The following SPAG16 variants were observed in gnomAD, a reference collection of about 807,000 sequenced individuals.
SPAG16 encodes the protein sperm-associated antigen 16 protein.
SPAG16 carries 86 observed loss-of-function variants against 80.4 expected under a neutral mutation model. The observed-to-expected ratio is 1.07, with a 90% CI of 0.90 to 1.28. The LOEUF is 1.28. SPAG16 is among the 50% of genes most tolerant of loss of function. The pLI is 0.00. For missense variants in SPAG16, 870 were observed against 765.3 expected, an observed-to-expected ratio of 1.14 and a Z score of -1.61; for synonymous variants, 294 against 265.9, an observed-to-expected ratio of 1.11 and a Z score of -1.03.
intron 11 of SPAG16, among the ~76,000 whole-genome samples, chr2:213,911,270 C>A (rs10198591): frequency 0.59 from 88,907 of 151,926 alleles, 27,819 homozygotes; most frequent in South Asian, 0.84. Flanking sequence ...CTTGGCCTCC[C>A]AGTAGCTATG....
rs112598169 is a variant in SPAG16 at position 213,504,180 on chromosome 2, AAGATT to A, written c.1070+14096_1070+14100del. Among the ~76,000 whole-genome samples, 119 of 152,326 alleles carry A rather than the reference AAGATT, an allele frequency of 7.8e-4. 2 individuals are homozygous for A. Among genetic ancestry groups the A allele is most frequent in the Middle Eastern group, 3.4e-3 (1 of 294 alleles). ...AGGGGCTCCATGCCTGGTTTGTAGC[AAGATT>A]AGATTTTGGAATTTCTTAAGCAAGA... On this transcript the variant is annotated intron_variant, in intron 10 of 15. Transcript: ENST00000331683.
intron 12 of SPAG16, among the ~76,000 whole-genome samples, chr2:213,980,712 G>GTGTGTGTA (rs1469351640): frequency 8.8e-6 from 1 of 114,010 alleles, no homozygotes; most frequent in African/African-American, 3.8e-5. Flanking sequence ...GTGTGTGTGT[G>GTGTGTGTA]TATATATATA....
chr2:213,695,592 C>T (rs1358201987), intron 10 of SPAG16, among the ~76,000 whole-genome samples: 1 of 152,094 alleles, frequency 6.6e-6, no homozygotes, highest in Non-Finnish European at 1.5e-5. Context: ...AATACTAAGA[C>T]AAGGTGATAG....
chr2:214,018,844 G>C (rs957683303), intron 13 of SPAG16, among the ~76,000 whole-genome samples: 1 of 152,024 alleles, frequency 6.6e-6, no homozygotes, highest in African/African-American at 2.4e-5. Flanking sequence ...ACATATACTC[G>C]TTTTAAATCA....
chr2:213,306,739 T>C (rs188880624), intron 3 of SPAG16, among the ~76,000 whole-genome samples: 1 of 152,042 alleles, frequency 6.6e-6, no homozygotes, highest in African/African-American at 2.4e-5. Context: ...AGCACTATTT[T>C]CGAATGTAAA....
intron 10 of SPAG16, among the ~76,000 whole-genome samples, chr2:213,833,540 A>ATATATATAT (rs2073884056): frequency 1.1e-3 from 1 of 904 alleles, no homozygotes; most frequent in Non-Finnish European, 1.6e-3. Flanking sequence ...ATTATATATA[A>ATATATATAT]TATATATAAT....
intron 15 of SPAG16, chr2:214,240,648 A>G (rs1367608523): frequency 6.6e-6 from 1 of 152,162 alleles, no homozygotes; most frequent in African/African-American, 2.4e-5. Flanking sequence ...TTAGCTATAC[A>G]ATCTACTTCA....
intron 1 of SPAG16, among the ~76,000 whole-genome samples, chr2:213,292,672 AAAACAAAAAAAAC>A (rs1299631864): frequency 4.7e-5 from 6 of 128,338 alleles, no homozygotes; most frequent in African/African-American, 1.7e-4. Context: ...TCAAAAAAAA[AAAACAAAAAAAAC>A]AAAAAAAAAC....
At chr2:213,743,119 G>T (rs2067655812) in intron 10 of SPAG16, among the ~76,000 whole-genome samples, 2 of 111,208 alleles carry the variant, frequency 1.8e-5, no homozygotes, top group Non-Finnish European at 4.5e-5. Flanking sequence ...TAGCGAGGAT[G>T]GTCTCTATCT....
intron 9 of SPAG16, among the ~76,000 whole-genome samples, chr2:213,454,542 C>A (rs907557041): frequency 3.9e-5 from 6 of 152,214 alleles, no homozygotes; most frequent in South Asian, 2.1e-4. Flanking sequence ...TGGAAATTGT[C>A]AGATTTCCAA....
intron 10 of SPAG16, among the ~76,000 whole-genome samples, chr2:213,722,052 G>A (rs1353100048): frequency 6.6e-6 from 1 of 152,180 alleles, no homozygotes; most frequent in Non-Finnish European, 1.5e-5. Context: ...TACCAAAGAA[G>A]TGTAAGACAT....
chr2:214,062,667 C>CTTT lies in SPAG16; in HGVS notation c.1528-45511_1528-45509dup, dbSNP rs36069141. Reference sequence around the variant, plus strand: ...ACCGCACCTGTTGTAATAGCCTCCTCTTTTTTTTTTTTTTTTTTTTAGTCT... The same window carrying CTTT: ...ACCGCACCTGTTGTAATAGCCTCCTCTTTTTTTTTTTTTTTTTTTTTTTAGTCT... On this transcript the variant is annotated intron_variant, in intron 13 of 15. Transcript: ENST00000331683. Among the ~76,000 whole-genome samples the CTTT allele has an allele frequency of 1.2e-3, 145 of 122,742 alleles. 3 individuals carry two copies. The highest frequency in any genetic ancestry group is 1.4e-3 in the African/African-American group (46 of 32,350). The allele number at this position is 122,742 out of a possible 152,430, so 80.5% of individuals were successfully genotyped here.
intron 10 of SPAG16, among the ~76,000 whole-genome samples, chr2:213,618,594 T>G (rs1294448669): frequency 6.6e-6 from 1 of 152,216 alleles, no homozygotes; most frequent in East Asian, 1.9e-4. Context: ...CAGAAGGCCC[T>G]TCCTTTCCAT....
intron 14 of SPAG16, among the ~76,000 whole-genome samples, chr2:214,143,527 T>C (rs1258864294): frequency 1.3e-5 from 2 of 152,168 alleles, no homozygotes; most frequent in Admixed American, 1.3e-4. Flanking sequence ...TTATAAGTGA[T>C]AAAGAATTAT....
At chr2:213,459,252 C>T (rs1009413380) in intron 9 of SPAG16, among the ~76,000 whole-genome samples, 4 of 152,132 alleles carry the variant, frequency 2.6e-5, no homozygotes, top group Admixed American at 2.6e-4. Flanking sequence ...TTTGGTCATA[C>T]AGTCTTACGT....
At chr2:213,374,254 C>T (rs1368955252) in intron 8 of SPAG16, among the ~76,000 whole-genome samples, 1 of 152,138 alleles carries the variant, frequency 6.6e-6, no homozygotes, top group African/African-American at 2.4e-5. Context: ...TTAAGAGAGC[C>T]TTGTCATTGA....
chr2:214,124,844 G>A (rs2054398488), intron 14 of SPAG16, among the ~76,000 whole-genome samples: 1 of 151,704 alleles, frequency 6.6e-6, no homozygotes, highest in Admixed American at 6.7e-5. Flanking sequence ...AGGATGGGCT[G>A]GAATTTCCTG....
chr2:213,953,371 G>A (rs563766140), intron 12 of SPAG16, among the ~76,000 whole-genome samples: 1 of 151,792 alleles, frequency 6.6e-6, no homozygotes, highest in South Asian at 2.1e-4. Context: ...TAGGTTGGGG[G>A]CCATTTAGGA....
At chr2:214,303,136 T>C (rs1442754717) in intron 15 of SPAG16, among the ~76,000 whole-genome samples, 1 of 152,208 alleles carries the variant, frequency 6.6e-6, no homozygotes, top group Non-Finnish European at 1.5e-5. Flanking sequence ...AAAGTTAATA[T>C]TTATATGTGA....
Sources: allele counts gnomAD v4.1 joint callset (sites outside exome capture counted in the v4.1 genomes callset), GRCh38; gene constraint gnomAD v4.1.1; transcripts MANE v1.5; gene names NCBI Gene and HGNC (gene_info 2026-07-23, HGNC 2026-07-21).